NFATC4: variants seen among roughly 807,000 people sequenced by gnomAD.
NFATC4 encodes the protein nuclear factor of activated T cells 4.
In NFATC4, 25 loss-of-function variants were observed where a neutral mutation model predicts 73.4. That is an observed-to-expected ratio of 0.34 (90% CI 0.25 to 0.48). The LOEUF (loss-of-function observed/expected upper bound fraction) is 0.48. NFATC4 is among the 20% of genes least tolerant of loss of function. The pLI is 0.99. For missense variants in NFATC4, 1,130 were observed against 1,203.7 expected, an observed-to-expected ratio of 0.94 and a Z score of 0.91; for synonymous variants, 523 against 510.3, an observed-to-expected ratio of 1.02 and a Z score of -0.34.
At chr14:24,372,779 A>T in intron 3 of NFATC4, 176 bp downstream of exon 3, 1 of 726,678 alleles carries the variant, frequency 1.4e-6, no homozygotes, top group East Asian at 2.7e-5. Flanking sequence ...TATACTTTCT[A>T]CTCCTGTCCT....
chr14:24,367,977 C>T, upstream of NFATC4: 1 of 1,083,870 alleles, frequency 9.2e-7, no homozygotes, highest in Non-Finnish European at 1.1e-6. Flanking sequence ...TCTTGAAGGA[C>T]CGTTTTCCAA....
At chr14:24,367,526 G>T (rs1050526078), upstream of NFATC4, 17 of 1,535,912 alleles carry the variant, frequency 1.1e-5, no homozygotes, top group Non-Finnish European at 1.5e-5. Flanking sequence ...CTTTGGCTCG[G>T]ACTGCTCCCA....
chr14:24,367,837 G>A (rs1349525634), upstream of NFATC4, among the ~76,000 whole-genome samples: 1 of 152,176 alleles, frequency 6.6e-6, no homozygotes, highest in Non-Finnish European at 1.5e-5. Flanking sequence ...CTACCCTGGG[G>A]GCCCAGGATG....
At chr14:24,369,071 C>T (rs2042388848) in intron 1 of NFATC4, 1 of 1,409,432 alleles carries the variant, frequency 7.1e-7, no homozygotes, top group South Asian at 1.5e-5. Flanking sequence ...ACGCCCCCCT[C>T]CCCTCTGGCC....
At chr14:24,369,038 C>G in intron 1 of NFATC4, 1 of 1,353,868 alleles carries the variant, frequency 7.4e-7, no homozygotes, top group East Asian at 3.0e-5. Flanking sequence ...GAGGAGCCAC[C>G]TCCCCTCGTC....
upstream of NFATC4, chr14:24,368,056 G>A: frequency 2.7e-6 from 3 of 1,110,016 alleles, no homozygotes; most frequent in Non-Finnish European, 3.3e-6. Flanking sequence ...GGGGGAGGAC[G>A]AGGGGCGCGT....
intron 2 of NFATC4, 146 bp from the exon 3 acceptor site, chr14:24,372,292 CCTT>C: frequency 9.7e-6 from 8 of 827,078 alleles, no homozygotes; most frequent in Non-Finnish European, 1.4e-5. Context: ...TTCTTTTTTC[CCTT>C]CTTTTCACAA....
upstream of NFATC4, chr14:24,367,147 C>T (rs1019355743): frequency 1.3e-5 from 21 of 1,613,828 alleles, no homozygotes; most frequent in Non-Finnish European, 1.8e-5. Context: ...TCTCACACAA[C>T]CCAGGCCTCT....
intron 2 of NFATC4, among the ~76,000 whole-genome samples, chr14:24,371,493 G>A (rs982976349): frequency 2.6e-5 from 4 of 152,144 alleles, no homozygotes; most frequent in African/African-American, 7.2e-5. Context: ...CAATTACTTG[G>A]GGGGCAATTA....
chr14:24,377,765 C>T lies in NFATC4; in HGVS notation c.*60C>T. The stretch of plus-strand genomic sequence containing the variant: ...CCCAGCCTCAGCCCTGCCCCCTTTC[C>T]CTCCTTCCTGGAGTGGTGGCTACAG... On this transcript the variant is annotated 3_prime_UTR_variant, in exon 10 of 10. Coordinates refer to ENST00000250373, the MANE Select transcript of NFATC4 (RefSeq NM_004554.5). This position sits in a 1 kb window ranked among gnomAD's most constrained non-coding sequence, Gnocchi z 4.2. 1 of 1,613,396 alleles carries T rather than the reference C, an allele frequency of 6.2e-7. No homozygotes were observed. Among genetic ancestry groups the T allele is most frequent in the Non-Finnish European group, 8.5e-7 (1 of 1,179,608 alleles).
At position 24,377,603 on chromosome 14, in the gene NFATC4, T is replaced by G. The variant is rs2042661166; in HGVS notation, c.2642-35T>G. 2 of 1,613,846 alleles carry G rather than the reference T, an allele frequency of 1.2e-6. No homozygotes were observed. Among genetic ancestry groups the G allele is most frequent in the Non-Finnish European group, 1.7e-6 (2 of 1,180,000 alleles). On this transcript the variant is annotated intron_variant, in intron 9 of 9. Coordinates refer to ENST00000250373, the MANE Select transcript of NFATC4 (RefSeq NM_004554.5). The surrounding 1 kb of genome is among the most constrained non-coding windows in gnomAD (Gnocchi z 4.2). The stretch of plus-strand genomic sequence containing the variant: ...TCTTTGGAAAAGGAGGGGACCCACC[T>G]CTAGCCCAGTCTCTCAACTGCCCCT...
Position 24,370,465 on chromosome 14 carries a change from T to C in NFATC4, c.1067T>C (p.Leu356Ser). 1 of 1,614,138 alleles carries C rather than the reference T, an allele frequency of 6.2e-7. No homozygotes were observed. Among genetic ancestry groups the C allele is most frequent in the Non-Finnish European group, 8.5e-7 (1 of 1,180,004 alleles). Residue 356 changes from leucine (L) to serine (S), a missense_variant, in exon 2 of 10, where the codon TTG becomes TCG. Physicochemically the swap from Leu to Ser is moderately radical, Grantham distance 145. This residue lies in a region of NFATC4 where 585 missense variants were observed against 574.3 expected (regional missense o/e 1.02). Coordinates refer to ENST00000250373, the MANE Select transcript of NFATC4 (RefSeq NM_004554.5). ...EPASCNGKLP[L>S]GAEESVAPPG... ...GCCTCATGCAATGGGAAGCTGCCCTTGGGAGCAGAGGAGTCTGTGGCTCCT... is the reference window on the plus strand; with the variant it reads ...GCCTCATGCAATGGGAAGCTGCCCTCGGGAGCAGAGGAGTCTGTGGCTCCT...
Position 24,376,916 on chromosome 14 carries a change from G to A in NFATC4, c.2641+38G>A. The A allele has an allele frequency of 6.7e-7, 1 of 1,493,014 alleles. No homozygotes were observed. Among genetic ancestry groups the A allele is most frequent in the South Asian group, 1.4e-5 (1 of 73,014 alleles). 92.5% of individuals were successfully genotyped at this position (1,493,014 alleles called of 1,614,324 possible). On this transcript the variant is annotated intron_variant, in intron 9 of 9. Coordinates refer to ENST00000250373, the MANE Select transcript of NFATC4 (RefSeq NM_004554.5). The surrounding 1 kb of genome is among the most constrained non-coding windows in gnomAD (Gnocchi z 5.0). ...CTGGGGGCTGTGAGTGTGAGTGTGT[G>A]CAAGAGATTGCTCTGCATGTTTGCT...
rs1270409600 is a variant in NFATC4, at chr14:24,368,431, T to C, written c.91T>C (p.Leu31=). The change falls in exon 1 of 10, where the codon TTG becomes CTG. Residue 31 remains leucine (L), a synonymous_variant. Coordinates refer to ENST00000250373, the MANE Select transcript of NFATC4 (RefSeq NM_004554.5). ...KEAPPLGAGG[L]GEELDSEDAP... ...GGCCCCCCCGCTGGGCGCGGGGGGA[T>C]TGGGGGAAGGTTAGTGCTGGGCTGG... The C allele has an allele frequency of 2.3e-6, 3 of 1,321,014 alleles. No homozygotes were observed. Among genetic ancestry groups the C allele is most frequent in the African/African-American group, 1.6e-5 (1 of 64,092 alleles). 81.8% of individuals were successfully genotyped at this position (1,321,014 alleles called of 1,614,324 possible). A position where few individuals can be genotyped will look rare whatever the true frequency, so the allele number is the denominator to read the frequency against.
chr14:24,374,633 G>T, intron 6 of NFATC4, 167 bp downstream of exon 6: 1 of 622,982 alleles, frequency 1.6e-6, no homozygotes, highest in Non-Finnish European at 2.7e-6. Context: ...TTCCATGTGG[G>T]ATGGGTATGA....
upstream of NFATC4, chr14:24,367,340 G>C (rs2042334745): frequency 6.5e-7 from 1 of 1,537,480 alleles, no homozygotes; most frequent in Admixed American, 2.0e-5. Context: ...AGCCGGAGTG[G>C]GATGCTATCG....
At position 24,376,610 on chromosome 14, in the gene NFATC4, G is replaced by A. The variant is rs1226634953; in HGVS notation, c.2373G>A (p.Pro791=). 2 of 1,613,658 alleles carry A rather than the reference G, an allele frequency of 1.2e-6. No homozygotes were observed. The highest frequency in any genetic ancestry group is 1.7e-6 in the Non-Finnish European group (2 of 1,179,876). ...TTCCCCGCCCCTTCCCTAGTGACCC[G>A]TATGGAGGGCGGGGCTCCTCTTTCT... ...SFLPRPFPSD[P]YGGRGSSFSL... is the part of the protein sequence containing the mutation. The change falls in exon 9 of 10, where the codon CCG becomes CCA. Residue 791 remains proline (P), a synonymous_variant. Coordinates refer to ENST00000250373, the MANE Select transcript of NFATC4 (RefSeq NM_004554.5). This position sits in a 1 kb window ranked among gnomAD's most constrained non-coding sequence, Gnocchi z 5.0.
intron 1 of NFATC4, chr14:24,369,229 T>C: frequency 6.5e-7 from 1 of 1,535,620 alleles, no homozygotes; most frequent in Non-Finnish European, 8.7e-7. Flanking sequence ...CCAGCCCCTC[T>C]GGACCCACCT....
chr14:24,369,465 C>G, intron 1 of NFATC4, 34 bp from the exon 2 acceptor site: 1 of 1,612,750 alleles, frequency 6.2e-7, no homozygotes, highest in Non-Finnish European at 8.5e-7. Flanking sequence ...CTCTCTTTCC[C>G]CCTCTCCCTC....
Sources: allele counts gnomAD v4.1 joint callset (sites outside exome capture counted in the v4.1 genomes callset), GRCh38; gene constraint gnomAD v4.1.1; regional missense constraint gnomAD v4.1.1; non-coding constraint Gnocchi (gnomAD v3.1); transcripts MANE v1.5; gene names NCBI Gene and HGNC (gene_info 2026-07-23, HGNC 2026-07-21).